The following CTTNBP2 variants were observed in gnomAD, a reference collection of about 807,000 sequenced individuals.
CTTNBP2 encodes cortactin binding protein 2.
A neutral mutation model predicts 156.9 loss-of-function variants in CTTNBP2; 108 were observed. The ratio of observed to expected loss-of-function variants is 0.69; its 90% confidence interval spans 0.59 to 0.81. The LOEUF is 0.81. Among genes scored for constraint, CTTNBP2 ranks in the 30% least tolerant of loss-of-function variants. The pLI is 0.00. For missense variants in CTTNBP2, 1,924 were observed against 2,035.4 expected, an observed-to-expected ratio of 0.95 and a Z score of 1.05; for synonymous variants, 767 against 751.8, an observed-to-expected ratio of 1.02 and a Z score of -0.33.
At chr7:117,721,215 T>C (rs1794770923) in intron 19 of CTTNBP2, 85 bp from the exon 20 acceptor site, 2 of 836,514 alleles carry the variant, frequency 2.4e-6, no homozygotes, top group Non-Finnish European at 4.1e-6. Flanking sequence ...ACTGTGGACT[T>C]TGCAGTACTT....
At chr7:117,869,933 C>T (rs1804466518) in intron 1 of CTTNBP2, among the ~76,000 whole-genome samples, 1 of 152,162 alleles carries the variant, frequency 6.6e-6, no homozygotes, top group Non-Finnish European at 1.5e-5. Flanking sequence ...AACCTCTATG[C>T]TCATCACTGA....
At chr7:117,824,408 C>A (rs1316225588) in intron 2 of CTTNBP2, among the ~76,000 whole-genome samples, 1 of 152,140 alleles carries the variant, frequency 6.6e-6, no homozygotes, top group East Asian at 1.9e-4. Flanking sequence ...ATACACGAAT[C>A]TTCATTTCTA....
chr7:117,735,534 G>T (rs1169286477), intron 14 of CTTNBP2, 113 bp from the exon 15 acceptor site: 4 of 883,362 alleles, frequency 4.5e-6, no homozygotes, highest in South Asian at 1.7e-5. Context: ...TGGTATAATG[G>T]GAATGTTCTT....
intron 1 of CTTNBP2, among the ~76,000 whole-genome samples, chr7:117,868,217 C>T (rs1371218526): frequency 6.6e-6 from 1 of 152,192 alleles, no homozygotes; most frequent in East Asian, 1.9e-4. Flanking sequence ...CTTTAAGAAG[C>T]TTACAATGCA....
intron 13 of CTTNBP2, 39 bp from the exon 14 acceptor site, chr7:117,745,969 G>C: frequency 1.2e-6 from 2 of 1,608,492 alleles, no homozygotes; most frequent in Non-Finnish European, 1.7e-6. Context: ...CTACGCACTT[G>C]CCAATTTTCA....
chr7:117,791,041 A>C (rs546232259), intron 4 of CTTNBP2, 87 bp downstream of exon 4: 3 of 1,126,282 alleles, frequency 2.7e-6, no homozygotes, highest in Non-Finnish European at 3.8e-6. Flanking sequence ...TTAAAAAAAA[A>C]GTTTCAAGGC....
At chr7:117,715,086 C>A (rs1229603562) in intron 22 of CTTNBP2, among the ~76,000 whole-genome samples, 2 of 152,144 alleles carry the variant, frequency 1.3e-5, no homozygotes, top group Non-Finnish European at 2.9e-5. Context: ...TACACAGCAT[C>A]TACTAGAAGC....
intron 2 of CTTNBP2, among the ~76,000 whole-genome samples, chr7:117,822,732 T>C (rs1008946064): frequency 6.6e-6 from 1 of 152,232 alleles, no homozygotes; most frequent in Non-Finnish European, 1.5e-5. Context: ...TACATATTAT[T>C]TAAATTAAGA....
At position 117,735,264 on chromosome 7, in the gene CTTNBP2, G is replaced by C. The variant is rs376841376; in HGVS notation, c.3688+5C>G. ...TTCTCAGCATGGTCCCTTTATTAGC[G>C]TTACCTTTTTGGAAAGTGCAGGGGC... is the stretch of plus-strand genomic sequence containing the variant. On this transcript the variant is annotated splice_donor_5th_base_variant and intron_variant, in intron 15 of 22. Transcript: ENST00000160373. 5 of 1,612,076 alleles carry C rather than the reference G, an allele frequency of 3.1e-6. No homozygotes were observed. In the South Asian group the frequency reaches 5.5e-5, roughly 18 times the overall value.
At chr7:117,852,630 A>T (rs1803003901) in intron 2 of CTTNBP2, among the ~76,000 whole-genome samples, 1 of 152,224 alleles carries the variant, frequency 6.6e-6, no homozygotes, top group Non-Finnish European at 1.5e-5. Context: ...TATACTTGCC[A>T]TTCAATAGGA....
chr7:117,833,487 C>T (rs902315354), intron 2 of CTTNBP2, among the ~76,000 whole-genome samples: 1 of 152,236 alleles, frequency 6.6e-6, no homozygotes, highest in African/African-American at 2.4e-5. Context: ...CCTGAGTTCA[C>T]CATGTGGTTT....
intron 2 of CTTNBP2, among the ~76,000 whole-genome samples, chr7:117,831,356 C>T (rs906909282): frequency 2.6e-5 from 4 of 151,892 alleles, no homozygotes; most frequent in Non-Finnish European, 5.9e-5. Flanking sequence ...GTGTAGAGCT[C>T]TTAACATTTC....
At chr7:117,749,379 T>C (rs1169626548) in intron 12 of CTTNBP2, among the ~76,000 whole-genome samples, 1 of 152,096 alleles carries the variant, frequency 6.6e-6, no homozygotes. Context: ...AACTCCTGGG[T>C]CTAGCAATGG....
intron 2 of CTTNBP2, among the ~76,000 whole-genome samples, chr7:117,825,159 G>C (rs1050375940): frequency 1.4e-4 from 21 of 152,168 alleles, no homozygotes; most frequent in African/African-American, 5.1e-4. Flanking sequence ...AGAGAGTAAA[G>C]GCCAATGGCA....
intron 2 of CTTNBP2, among the ~76,000 whole-genome samples, chr7:117,814,064 C>T (rs1285552494): frequency 1.3e-5 from 2 of 152,038 alleles, no homozygotes; most frequent in South Asian, 2.1e-4. Context: ...TTATGATGTA[C>T]AGTACTTGTA....
At chr7:117,860,966 C>T (rs2117245806) in intron 2 of CTTNBP2, among the ~76,000 whole-genome samples, 1 of 152,244 alleles carries the variant, frequency 6.6e-6, no homozygotes, top group Admixed American at 6.5e-5. Flanking sequence ...CAGCTGACTC[C>T]TCAAGTTTCC....
intron 1 of CTTNBP2, among the ~76,000 whole-genome samples, chr7:117,866,918 A>G (rs1203198013): frequency 2.0e-5 from 3 of 152,212 alleles, no homozygotes; most frequent in African/African-American, 4.8e-5. Context: ...AGAACTTTCT[A>G]TGTAAGCAAG....
chr7:117,832,988 C>A (rs1801713106), intron 2 of CTTNBP2, among the ~76,000 whole-genome samples: 1 of 151,904 alleles, frequency 6.6e-6, no homozygotes, highest in Non-Finnish European at 1.5e-5. Flanking sequence ...AACTCCTGAA[C>A]TTGTGATCCA....
At chr7:117,836,248 C>T (rs1366042352) in intron 2 of CTTNBP2, among the ~76,000 whole-genome samples, 7 of 152,144 alleles carry the variant, frequency 4.6e-5, no homozygotes, top group Admixed American at 4.6e-4. Flanking sequence ...TGTCCCCTTC[C>T]ACCCCACTTT....
Sources: gnomAD v4.1 joint callset for allele counts (sites outside exome capture counted in the v4.1 genomes callset) on GRCh38, gnomAD v4.1.1 for gene constraint, MANE v1.5 for transcripts, NCBI Gene and HGNC (gene_info 2026-07-23, HGNC 2026-07-21) for gene names.